CATSPER3: variants seen among roughly 807,000 people sequenced by gnomAD.
CATSPER3 encodes cation channel sperm associated 3, also known as cation channel sperm-associated protein 3.
Under a neutral mutation model 36.6 loss-of-function variants are expected in CATSPER3, and 23 were observed. That is an observed-to-expected ratio of 0.63 (90% CI 0.45 to 0.89). The LOEUF is 0.89. Ranked by LOEUF, CATSPER3 falls within the 40% of genes least tolerant of loss-of-function variation. CATSPER3 has a pLI of 0.00. For missense variants in CATSPER3, 474 were observed against 503.9 expected (o/e 0.94, Z 0.57); for synonymous variants, 172 against 184.1 (o/e 0.93, Z 0.53).
intron 3 of CATSPER3, among the ~76,000 whole-genome samples, chr5:135,003,692 C>G (rs993743972): frequency 1.3e-5 from 2 of 152,224 alleles, no homozygotes; most frequent in Non-Finnish European, 2.9e-5. Flanking sequence ...CCTTGCAGTT[C>G]AATCTCAGAC....
At chr5:134,973,072 T>A (rs1751625779) in intron 2 of CATSPER3, among the ~76,000 whole-genome samples, 1 of 152,158 alleles carries the variant, frequency 6.6e-6, no homozygotes, top group Non-Finnish European at 1.5e-5. Context: ...ATAGACAAAT[T>A]CATCAATATT....
Position 134,989,702 on chromosome 5 carries a change from A to G in CATSPER3, c.253-6571A>G, listed in dbSNP as rs1751855781. Among the ~76,000 whole-genome samples the G allele has an allele frequency of 4.6e-5, 7 of 152,322 alleles. No individual in the cohort carries two copies. In the South Asian group the frequency reaches 1.5e-3, roughly 32 times the overall value. On this transcript the variant is annotated intron_variant, in intron 2 of 7. Transcript: ENST00000282611. Reference sequence around the variant, plus strand: ...CTGGTTTGATCTGTACAGACTGCCAAAACTTTCTCCATATGAGCAATAGGG... The same window carrying G: ...CTGGTTTGATCTGTACAGACTGCCAGAACTTTCTCCATATGAGCAATAGGG...
At chr5:134,987,516 C>G (rs548033331) in intron 2 of CATSPER3, among the ~76,000 whole-genome samples, 5 of 152,108 alleles carry the variant, frequency 3.3e-5, no homozygotes, top group Non-Finnish European at 7.4e-5. Context: ...GTAAAGAAAA[C>G]TATAGACAGA....
chr5:134,989,932 C>T (rs998400835), intron 2 of CATSPER3, among the ~76,000 whole-genome samples: 1 of 152,102 alleles, frequency 6.6e-6, no homozygotes, highest in Admixed American at 6.6e-5. Context: ...TGAACACTTA[C>T]AGATCATTGT....
intron 2 of CATSPER3, among the ~76,000 whole-genome samples, chr5:134,977,700 G>T (rs1345745439): frequency 6.6e-6 from 1 of 152,068 alleles, no homozygotes; most frequent in Non-Finnish European, 1.5e-5. Context: ...CACACTTCTG[G>T]TACCATTTTC....
At chr5:134,969,889 A>G in intron 1 of CATSPER3, 50 bp from the exon 2 acceptor site, 1 of 1,599,784 alleles carries the variant, frequency 6.3e-7, no homozygotes, top group Non-Finnish European at 8.6e-7. Flanking sequence ...TTTTATGGGG[A>G]TCTAGCTCTA....
chr5:134,979,088 C>G (rs1561458328), intron 2 of CATSPER3, among the ~76,000 whole-genome samples: 1 of 152,094 alleles, frequency 6.6e-6, no homozygotes, highest in Non-Finnish European at 1.5e-5. Context: ...CTGAAGACAG[C>G]AGCTCACATT....
intron 2 of CATSPER3, among the ~76,000 whole-genome samples, chr5:134,977,135 A>G (rs1751684236): frequency 1.3e-5 from 2 of 152,160 alleles, no homozygotes; most frequent in African/African-American, 4.8e-5. Flanking sequence ...TAATCTCTCT[A>G]GCAAGTCATT....
chr5:134,990,370 A>G (rs1025947233), intron 2 of CATSPER3, among the ~76,000 whole-genome samples: 2 of 152,328 alleles, frequency 1.3e-5, no homozygotes, highest in Non-Finnish European at 2.9e-5. Context: ...CTAGGTAGAT[A>G]AGAGACAAAT....
intron 2 of CATSPER3, among the ~76,000 whole-genome samples, chr5:134,983,079 G>A (rs1751768534): frequency 6.6e-6 from 1 of 151,058 alleles, no homozygotes. Context: ...AATGAGAAAG[G>A]AATCAAAATG....
chr5:134,982,127 G>A (rs1751758805), intron 2 of CATSPER3, among the ~76,000 whole-genome samples: 1 of 152,168 alleles, frequency 6.6e-6, no homozygotes, highest in African/African-American at 2.4e-5. Flanking sequence ...TGAACTTGAA[G>A]ACAGGTCAGT....
chr5:134,988,352 A>G (rs1751835906), intron 2 of CATSPER3, among the ~76,000 whole-genome samples: 1 of 152,222 alleles, frequency 6.6e-6, no homozygotes, highest in African/African-American at 2.4e-5. Flanking sequence ...GAAGTTTGCC[A>G]CATCAATTGA....
At chr5:134,996,220 C>T in intron 2 of CATSPER3, 53 bp from the exon 3 acceptor site, 1 of 1,613,500 alleles carries the variant, frequency 6.2e-7, no homozygotes, top group South Asian at 1.1e-5. Flanking sequence ...CAGGCCAGAG[C>T]TCTAGGGCTG....
chr5:134,987,465 C>T (rs1436415075), intron 2 of CATSPER3, among the ~76,000 whole-genome samples: 1 of 152,184 alleles, frequency 6.6e-6, no homozygotes, highest in African/African-American at 2.4e-5. Flanking sequence ...AGAGGGAAGA[C>T]TTCTGAGCTC....
chr5:134,970,085 T>A lies in CATSPER3; in HGVS notation c.245T>A (p.Leu82His). ...SYDIRYRLFR[L>H]LEFSEIFFVS... ...GACATAAGGTACCGCTTGTTCAGAC[T>A]TCTTGAGGTAAGCAGACAAAATGGG... Residue 82 changes from leucine (L) to histidine (H), a missense_variant, in exon 2 of 8, where the codon CTT (leucine) becomes CAT (histidine). Transcript: ENST00000282611. 6.2e-7 allele frequency: 1 copy of A among 1,614,132 alleles called. No homozygotes were observed. The highest frequency in any genetic ancestry group is 8.5e-7 in the Non-Finnish European group (1 of 1,179,976).
chr5:134,999,568 A>G (rs1241708282), intron 3 of CATSPER3, among the ~76,000 whole-genome samples: 1 of 152,058 alleles, frequency 6.6e-6, no homozygotes, highest in East Asian at 1.9e-4. Flanking sequence ...ATTTGTTTGT[A>G]TCCTCTTTTA....
intron 2 of CATSPER3, among the ~76,000 whole-genome samples, chr5:134,986,146 CT>C (rs35542434): frequency 5.7e-4 from 83 of 146,134 alleles, no homozygotes; most frequent in African/African-American, 8.3e-4. Flanking sequence ...ACAGCATACT[CT>C]TTTTTTTTTT....
intron 2 of CATSPER3, among the ~76,000 whole-genome samples, chr5:134,988,122 T>G (rs1045247344): frequency 3.6e-4 from 55 of 152,362 alleles, no homozygotes; most frequent in African/African-American, 1.3e-3. Context: ...TACTGTAGTC[T>G]GTTAAGTGTG....
chr5:134,968,913 T>G (rs1723527927), intron 1 of CATSPER3: 1 of 152,194 alleles, frequency 6.6e-6, no homozygotes, highest in African/African-American at 2.4e-5. Flanking sequence ...TATTTCCTGC[T>G]GATTTTTTCT....
Sources: allele counts gnomAD v4.1 joint callset (sites outside exome capture counted in the v4.1 genomes callset), GRCh38; gene constraint gnomAD v4.1.1; transcripts MANE v1.5; gene names NCBI Gene and HGNC (gene_info 2026-07-23, HGNC 2026-07-21).